XKR3: variants seen among roughly 807,000 people sequenced by gnomAD.
The protein encoded by XKR3 is XK-related protein 3.
In XKR3, 27 loss-of-function variants were observed where a neutral mutation model predicts 40.3. That is an observed-to-expected ratio of 0.67 (90% CI 0.49 to 0.92). XKR3 has a LOEUF of 0.92. Ranked by LOEUF, XKR3 falls within the 40% of genes least tolerant of loss-of-function variation. XKR3 has a pLI of 0.00. For synonymous variants in XKR3, 193 were observed against 195.4 expected (o/e 0.99, Z 0.10); for missense variants, 472 against 537.6 (o/e 0.88, Z 1.21).
intron 3 of XKR3, among the ~76,000 whole-genome samples, chr22:16,791,305 T>C (rs2060114714): frequency 6.6e-6 from 1 of 151,106 alleles, no homozygotes; most frequent in Non-Finnish European, 1.5e-5. Flanking sequence ...CTCACTTTTA[T>C]GAGAAAACTT....
chr22:16,814,862 T>A (rs1208038967), intron 1 of XKR3, among the ~76,000 whole-genome samples: 1 of 144,642 alleles, frequency 6.9e-6, no homozygotes, highest in East Asian at 1.9e-4. Context: ...TTATCAGAAT[T>A]TTTTGTATAC....
chr22:16,791,303 T>C (rs1467794634), intron 3 of XKR3, among the ~76,000 whole-genome samples: 1 of 151,676 alleles, frequency 6.6e-6, no homozygotes, highest in Non-Finnish European at 1.5e-5. Flanking sequence ...GTCTCACTTT[T>C]ATGAGAAAAC....
chr22:16,801,664 A>G (rs2060169459), intron 2 of XKR3, among the ~76,000 whole-genome samples: 1 of 151,906 alleles, frequency 6.6e-6, no homozygotes, highest in Non-Finnish European at 1.5e-5. Flanking sequence ...AAAGCATAAG[A>G]ACAAGAAATA....
chr22:16,792,535 C>T (rs1410334869), intron 3 of XKR3, among the ~76,000 whole-genome samples: 3 of 152,212 alleles, frequency 2.0e-5, no homozygotes, highest in Non-Finnish European at 4.4e-5. Flanking sequence ...TGTTTTACTG[C>T]TGAAGGTCTC....
At chr22:16,804,752 A>G (rs2060182780) in intron 2 of XKR3, among the ~76,000 whole-genome samples, 1 of 152,110 alleles carries the variant, frequency 6.6e-6, no homozygotes, top group Non-Finnish European at 1.5e-5. Flanking sequence ...AGTCCACCCA[A>G]CCACCCCACT....
At position 16,784,132 on chromosome 22, in the gene XKR3, A is replaced by G; in HGVS notation, c.867T>C (p.His289=). ...PWLEFWKSGA[H]LPGNKENNSN... ...AATTATTTTCTTTGTTGCCAGGAAG[A>G]TGAGCTCCACTTTTCCAAAACTCCA... Residue 289 remains histidine, a synonymous_variant, in exon 4 of 4, where the codon CAT becomes CAC. Transcript: ENST00000684488. 6.2e-7 allele frequency: 1 copy of G among 1,614,188 alleles called. No individual in the cohort carries two copies. Among genetic ancestry groups the G allele is most frequent in the Non-Finnish European group, 8.5e-7 (1 of 1,180,046 alleles).
chr22:16,802,691 T>C (rs2060174287), intron 2 of XKR3, among the ~76,000 whole-genome samples: 1 of 152,092 alleles, frequency 6.6e-6, no homozygotes, highest in South Asian at 2.1e-4. Context: ...GGTTTCACCA[T>C]GTTGGCCCGG....
chr22:16,791,737 GA>G (rs1209001636), intron 3 of XKR3, among the ~76,000 whole-genome samples: 30 of 136,802 alleles, frequency 2.2e-4, no homozygotes, highest in Admixed American at 1.9e-3. Context: ...GAGGGAGAAA[GA>G]GGGAGAGAGA....
At chr22:16,812,227 C>T (rs1221597345) in intron 1 of XKR3, among the ~76,000 whole-genome samples, 1 of 152,154 alleles carries the variant, frequency 6.6e-6, no homozygotes, top group Non-Finnish European at 1.5e-5. Flanking sequence ...CACTTCCCTG[C>T]CCCTTTATGT....
chr22:16,785,532 G>GA (rs2060086624), intron 3 of XKR3, among the ~76,000 whole-genome samples: 1 of 151,932 alleles, frequency 6.6e-6, no homozygotes, highest in African/African-American at 2.4e-5. Context: ...AGTTGAAAGA[G>GA]AAAAAATTCA....
chr22:16,806,417 T>C (rs1358279376), intron 2 of XKR3, among the ~76,000 whole-genome samples: 1 of 151,856 alleles, frequency 6.6e-6, no homozygotes, highest in East Asian at 1.9e-4. Flanking sequence ...TATATAAACA[T>C]GTATTTCCAT....
chr22:16,807,004 T>C lies in XKR3; in HGVS notation c.335+735A>G, dbSNP rs5746900. ...CTTTCCCAAAGTTAATCTATAAGTT[T>C]AATTGGATAAAATAAAATTTATCAA... On this transcript the variant is annotated intron_variant, in intron 2 of 3. Transcript: ENST00000684488. Among the ~76,000 whole-genome samples, 10 of 152,280 alleles carry C rather than the reference T, an allele frequency of 6.6e-5. No homozygotes were observed. The East Asian group carries it at 1.5e-3, about 24-fold the overall frequency.
intron 3 of XKR3, among the ~76,000 whole-genome samples, chr22:16,790,321 C>T (rs2060109174): frequency 2.3e-5 from 3 of 132,760 alleles, no homozygotes; most frequent in African/African-American, 8.7e-5. Context: ...AGGTTTCATC[C>T]TACTAGAAAG....
At chr22:16,790,102 G>A (rs2060107764) in intron 3 of XKR3, among the ~76,000 whole-genome samples, 1 of 152,114 alleles carries the variant, frequency 6.6e-6, no homozygotes, top group Admixed American at 6.6e-5. Context: ...TCATGCCACT[G>A]CACTAACCCT....
chr22:16,787,909 T>C (rs2060097531), intron 3 of XKR3, among the ~76,000 whole-genome samples: 1 of 152,264 alleles, frequency 6.6e-6, no homozygotes, highest in South Asian at 2.1e-4. Flanking sequence ...TTCAGCACCT[T>C]ACTTTCAGAA....
Position 16,783,928 on chromosome 22 carries a change from T to C in XKR3, c.1071A>G (p.Ile357Met), listed in dbSNP as rs2060077337. Reference sequence around the variant, plus strand: ...CAAAGAACCTAAATACCAATATCATTATCACATTTTCTAAAAACTGAAAGC... The same window carrying C: ...CAAAGAACCTAAATACCAATATCATCATCACATTTTCTAAAAACTGAAAGC... ...HYSFQFLENV[I>M]MILVFRFFGG... Residue 357 changes from isoleucine (I) to methionine (M), a missense_variant, in exon 4 of 4, where the codon ATA becomes ATG. Physicochemically the swap from Ile to Met is conservative, Grantham distance 10. Coordinates refer to ENST00000684488, the MANE Select transcript of XKR3 (RefSeq NM_001386955.1). The C allele has an allele frequency of 6.2e-7, 1 of 1,614,100 alleles. No individual in the cohort carries two copies. Among genetic ancestry groups the C allele is most frequent in the African/African-American group, 1.3e-5 (1 of 74,934 alleles).
chr22:16,812,238 C>T (rs2060215984), intron 1 of XKR3, among the ~76,000 whole-genome samples: 1 of 152,186 alleles, frequency 6.6e-6, no homozygotes, highest in East Asian at 1.9e-4. Context: ...CCCTTTATGT[C>T]ACTGGGGCAC....
chr22:16,793,023 A>G (rs1338541252), intron 3 of XKR3, among the ~76,000 whole-genome samples: 1 of 151,588 alleles, frequency 6.6e-6, no homozygotes, highest in Non-Finnish European at 1.5e-5. Flanking sequence ...TATTTTATTT[A>G]TTTTTTGAGG....
chr22:16,797,983 G>A lies in XKR3; in HGVS notation c.589+1788C>T, dbSNP rs562942094. Among the ~76,000 whole-genome samples, 4 of 151,634 alleles carry A rather than the reference G, an allele frequency of 2.6e-5. No homozygotes were observed. The East Asian group carries it at 7.8e-4, about 30-fold the overall frequency. The stretch of plus-strand genomic sequence containing the variant: ...GAGGTCAGGAGTTCAAGACCAGCCT[G>A]GCCAATATAGCAAAACCTTGTCTCT... On this transcript the variant is annotated intron_variant, in intron 3 of 3. Transcript: ENST00000684488.
Sources: allele counts gnomAD v4.1 joint callset (sites outside exome capture counted in the v4.1 genomes callset), GRCh38; gene constraint gnomAD v4.1.1; transcripts MANE v1.5; gene names NCBI Gene and HGNC (gene_info 2026-07-23, HGNC 2026-07-21).